The following KCNH1 variants were observed in gnomAD, a reference collection of about 807,000 sequenced individuals.
KCNH1 encodes the protein voltage-gated delayed rectifier potassium channel KCNH1.
A neutral mutation model predicts 69.2 loss-of-function variants in KCNH1; 27 were observed. The observed-to-expected ratio is 0.39, with a 90% CI of 0.29 to 0.54. The LOEUF (loss-of-function observed/expected upper bound fraction) is 0.54, where lower values mean the gene tolerates loss of function less well. Among genes scored for constraint, KCNH1 ranks in the 20% least tolerant of loss-of-function variants. The pLI is 0.68. For synonymous variants in KCNH1, 456 were observed against 487.7 expected, an observed-to-expected ratio of 0.93 and a Z score of 0.86; for missense variants, 798 against 1,261.6, an observed-to-expected ratio of 0.63 and a Z score of 5.57.
intron 10 of KCNH1, among the ~76,000 whole-genome samples, chr1:210,766,591 G>A (rs773249982): frequency 3.9e-5 from 6 of 152,148 alleles, no homozygotes; most frequent in Non-Finnish European, 5.9e-5. Context: ...TAAAAGACAA[G>A]GGGCTTCATC....
chr1:211,097,855 T>C (rs978816933), intron 3 of KCNH1, among the ~76,000 whole-genome samples: 2 of 152,220 alleles, frequency 1.3e-5, no homozygotes, highest in African/African-American at 4.8e-5. Flanking sequence ...ACACCACAAA[T>C]TGTGGAGTCA....
chr1:210,892,676 A>G (rs1041982328), intron 7 of KCNH1, among the ~76,000 whole-genome samples: 14 of 152,222 alleles, frequency 9.2e-5, no homozygotes, highest in Admixed American at 9.2e-4. Context: ...AATGGACCCC[A>G]AAAAACTAAA....
intron 10 of KCNH1, among the ~76,000 whole-genome samples, chr1:210,714,680 C>T (rs971768079): frequency 5.3e-5 from 8 of 152,134 alleles, no homozygotes; most frequent in East Asian, 1.9e-4. Context: ...TTGCTGGAGA[C>T]GTAAAGAGGA....
intron 6 of KCNH1, among the ~76,000 whole-genome samples, chr1:210,999,966 C>G (rs375344679): frequency 2.3e-4 from 35 of 152,172 alleles, no homozygotes; most frequent in Middle Eastern, 3.4e-3. Flanking sequence ...ATTCAACAAC[C>G]CTTCATGTTA....
intron 7 of KCNH1, among the ~76,000 whole-genome samples, chr1:210,908,981 C>G (rs929765699): frequency 6.6e-6 from 1 of 152,208 alleles, no homozygotes. Context: ...CCTTGCCAAG[C>G]TTTCTTGCAG....
At chr1:210,817,123 G>C (rs1305841932) in intron 7 of KCNH1, among the ~76,000 whole-genome samples, 1 of 152,120 alleles carries the variant, frequency 6.6e-6, no homozygotes, top group Middle Eastern at 3.2e-3. Context: ...GTAAGTTATA[G>C]TGCCTCTTCT....
chr1:210,988,234 G>A (rs754790638), intron 6 of KCNH1, among the ~76,000 whole-genome samples: 21 of 152,212 alleles, frequency 1.4e-4, no homozygotes, highest in Non-Finnish European at 1.9e-4. Flanking sequence ...TGCTTCCTGG[G>A]TGAGGCAATG....
intron 10 of KCNH1, among the ~76,000 whole-genome samples, chr1:210,740,382 C>T (rs1382800233): frequency 1.3e-5 from 2 of 152,054 alleles, no homozygotes; most frequent in Admixed American, 1.3e-4. Context: ...ACAATGGTGA[C>T]TATATTTAGA....
At chr1:211,041,616 C>T (rs1467986990) in intron 5 of KCNH1, among the ~76,000 whole-genome samples, 1 of 152,170 alleles carries the variant, frequency 6.6e-6, no homozygotes, top group Non-Finnish European at 1.5e-5. Flanking sequence ...CTGATCAAAA[C>T]CTTCCAGCTC....
At position 210,831,077 on chromosome 1, in the gene KCNH1, C is replaced by T. The variant is rs1685152500; in HGVS notation, c.1463-26911G>A. ...TATGGTCCCTCAATTCTAAGTCTGA[C>T]CAAGCATTTGAGAAAGCGTGATTTT... is the stretch of plus-strand genomic sequence containing the variant. On this transcript the variant is annotated intron_variant, in intron 7 of 10. Transcript: ENST00000271751. 2.0e-5 allele frequency among the ~76,000 whole-genome samples: 3 copies of T among 152,182 alleles called. No individual in the cohort carries two copies. In the South Asian group the frequency reaches 6.2e-4, roughly 32 times the overall value.
At chr1:211,117,968 G>A (rs759801210) in intron 1 of KCNH1, among the ~76,000 whole-genome samples, 6 of 152,136 alleles carry the variant, frequency 3.9e-5, no homozygotes, top group Admixed American at 6.5e-5. Context: ...TGCAGCCTGG[G>A]TCATTTCAAA....
At chr1:210,923,376 T>A (rs1687503463) in intron 6 of KCNH1, among the ~76,000 whole-genome samples, 1 of 152,224 alleles carries the variant, frequency 6.6e-6, no homozygotes, top group African/African-American at 2.4e-5. Context: ...GTGGCAGTCA[T>A]TCATAGAGAT....
At chr1:210,754,844 GCACACACACACACACA>G (rs3040180) in intron 10 of KCNH1, among the ~76,000 whole-genome samples, 3,801 of 148,952 alleles carry the variant, frequency 0.026, 107 homozygotes, top group Non-Finnish European at 0.034. Context: ...GTACACACGG[GCACACACACACACACA>G]CACACACACA....
chr1:211,010,226 G>A (rs1689369100), intron 6 of KCNH1, among the ~76,000 whole-genome samples: 1 of 152,132 alleles, frequency 6.6e-6, no homozygotes, highest in Non-Finnish European at 1.5e-5. Flanking sequence ...AACAGGAGTT[G>A]GGGGAATGGG....
rs1363714608 is a variant in KCNH1 at position 210,683,954 on chromosome 1, A to G, written c.2297T>C (p.Val766Ala). Residue 766 changes from valine (V) to alanine (A), a missense_variant, in exon 11 of 11, where the codon GTG becomes GCG. Val to Ala is a moderately conservative substitution (Grantham distance 64). Transcript: ENST00000271751. This position sits in a 1 kb window ranked among gnomAD's most constrained non-coding sequence, Gnocchi z 5.7. ...RGGRDLDDLDVEKGNVLTEHA... is the reference protein window; with the variant it reads ...RGGRDLDDLDAEKGNVLTEHA... ...CTCTGTAAGGACATTGCCCTTCTCC[A>G]CATCTAGGTCATCCAGGTCCCGGCC... The G allele has an allele frequency of 6.2e-7, 1 of 1,603,874 alleles. No individual in the cohort carries two copies. The highest frequency in any genetic ancestry group is 1.7e-5 in the Admixed American group (1 of 59,798).
At chr1:210,972,920 AC>A (rs1688536889) in intron 6 of KCNH1, among the ~76,000 whole-genome samples, 2 of 108,042 alleles carry the variant, frequency 1.9e-5, no homozygotes, top group African/African-American at 6.9e-5. Context: ...TCACTACCAA[AC>A]GTCTCAAAAA....
intron 5 of KCNH1, among the ~76,000 whole-genome samples, chr1:211,049,812 G>C (rs1386670873): frequency 3.3e-5 from 5 of 152,096 alleles, no homozygotes; most frequent in Non-Finnish European, 7.4e-5. Flanking sequence ...TTGAAGACCT[G>C]GCCAATCCAC....
intron 5 of KCNH1, among the ~76,000 whole-genome samples, chr1:211,048,070 CAT>C (rs1482216111): frequency 6.6e-6 from 1 of 152,116 alleles, no homozygotes; most frequent in Non-Finnish European, 1.5e-5. Context: ...GGCCAACAGA[CAT>C]ATTAAAAAAT....
intron 10 of KCNH1, among the ~76,000 whole-genome samples, chr1:210,748,245 G>A (rs750190284): frequency 2.2e-4 from 33 of 152,160 alleles, no homozygotes; most frequent in Admixed American, 6.5e-4. Context: ...TGGGTATCTG[G>A]GCTCTCTTAT....
Sources: allele counts gnomAD v4.1 joint callset (sites outside exome capture counted in the v4.1 genomes callset), GRCh38; gene constraint gnomAD v4.1.1; non-coding constraint Gnocchi (gnomAD v3.1); transcripts MANE v1.5; gene names NCBI Gene and HGNC (gene_info 2026-07-23, HGNC 2026-07-21).